The following RAPGEF4 variants were observed in gnomAD, a reference collection of about 807,000 sequenced individuals.
RAPGEF4 encodes the protein Rap guanine nucleotide exchange factor 4.
RAPGEF4 carries 66 observed loss-of-function variants against 147.9 expected under a neutral mutation model. That is an observed-to-expected ratio of 0.45 (90% confidence interval 0.37 to 0.55). RAPGEF4 has a LOEUF of 0.55. Ranked by LOEUF, RAPGEF4 falls within the 20% of genes least tolerant of loss-of-function variation. RAPGEF4 has a pLI of 0.00. For synonymous variants in RAPGEF4, 419 were observed against 442.7 expected, an observed-to-expected ratio of 0.95 and a Z score of 0.67; for missense variants, 1,071 against 1,257.3, an observed-to-expected ratio of 0.85 and a Z score of 2.24.
In RAPGEF4 at chr2:172,937,998, C is replaced by A. The variant is rs531687681; in HGVS notation, c.537+15698C>A. Among the ~76,000 whole-genome samples the A allele has an allele frequency of 2.6e-5, 4 of 152,200 alleles. No homozygotes were observed. In the South Asian group the frequency reaches 6.2e-4, roughly 24 times the overall value. On this transcript the variant is annotated intron_variant, in intron 6 of 30. Transcript: ENST00000397081. ...TTTTGTTTTATGGAGCACTGCCTTA[C>A]CTGTGGCACAACTAGTTGCATATAT...
intron 4 of RAPGEF4, among the ~76,000 whole-genome samples, chr2:172,850,035 T>C (rs1158681680): frequency 6.6e-6 from 1 of 152,160 alleles, no homozygotes; most frequent in Non-Finnish European, 1.5e-5. Context: ...CTCTTCGTGC[T>C]CTCAGTTTTG....
chr2:172,996,407 G>GT, intron 15 of RAPGEF4, 59 bp from the exon 16 acceptor site: 2 of 967,486 alleles, frequency 2.1e-6, no homozygotes, highest in Non-Finnish European at 3.0e-6. Context: ...ATAAGTAAAA[G>GT]TTTTTTTAAT....
At chr2:172,741,677 TTG>T (rs1292128288) in intron 1 of RAPGEF4, among the ~76,000 whole-genome samples, 4 of 152,144 alleles carry the variant, frequency 2.6e-5, no homozygotes, top group Non-Finnish European at 5.9e-5. Context: ...TTCTTTTTGT[TTG>T]TGTGTGTGTT....
intron 6 of RAPGEF4, chr2:172,928,041 G>T: frequency 3.7e-6 from 1 of 272,628 alleles, no homozygotes; most frequent in Non-Finnish European, 7.5e-6. Flanking sequence ...AGTGCTGCTG[G>T]CCCAATCCTG....
intron 4 of RAPGEF4, among the ~76,000 whole-genome samples, chr2:172,851,967 A>G (rs1692890593): frequency 6.6e-6 from 1 of 152,238 alleles, no homozygotes; most frequent in African/African-American, 2.4e-5. Context: ...AAAAGTTTTT[A>G]AAAATTGAAT....
At chr2:172,840,999 C>T (rs1055072607) in intron 4 of RAPGEF4, among the ~76,000 whole-genome samples, 3 of 152,218 alleles carry the variant, frequency 2.0e-5, no homozygotes, top group Non-Finnish European at 2.9e-5. Context: ...TAAGGGAAAG[C>T]CTTGAATTAA....
intron 4 of RAPGEF4, among the ~76,000 whole-genome samples, chr2:172,860,472 T>A (rs1693902829): frequency 6.6e-6 from 1 of 152,194 alleles, no homozygotes; most frequent in African/African-American, 2.4e-5. Context: ...AGAGAACAGT[T>A]TAACCCAGTG....
chr2:172,937,290 C>T (rs574772551), intron 6 of RAPGEF4, among the ~76,000 whole-genome samples: 3 of 151,998 alleles, frequency 2.0e-5, no homozygotes, highest in African/African-American at 7.2e-5. Context: ...TTTTTCTATT[C>T]GAAAATTCTA....
At chr2:173,006,033 G>A (rs1364198956) in intron 17 of RAPGEF4, among the ~76,000 whole-genome samples, 5 of 152,170 alleles carry the variant, frequency 3.3e-5, no homozygotes, top group South Asian at 2.1e-4. Context: ...GTTCTGCAAC[G>A]CCAGACTCTA....
chr2:173,026,481 A>C, intron 23 of RAPGEF4, 91 bp from the exon 24 acceptor site: 1 of 1,374,732 alleles, frequency 7.3e-7, no homozygotes, highest in Non-Finnish European at 9.8e-7. Flanking sequence ...CATCTCCAGA[A>C]TCCTTTCCCC....
chr2:172,774,468 C>G (rs1182416318), intron 1 of RAPGEF4, among the ~76,000 whole-genome samples: 1 of 152,192 alleles, frequency 6.6e-6, no homozygotes, highest in Non-Finnish European at 1.5e-5. Context: ...TTCCTACCCC[C>G]ATGCCTTTAC....
At chr2:172,944,631 T>C (rs1198639630) in intron 6 of RAPGEF4, among the ~76,000 whole-genome samples, 1 of 152,276 alleles carries the variant, frequency 6.6e-6, no homozygotes, top group Non-Finnish European at 1.5e-5. Context: ...AGGCTGATCT[T>C]AGAGTGATTA....
intron 27 of RAPGEF4, among the ~76,000 whole-genome samples, chr2:173,035,290 C>G (rs1245786051): frequency 6.6e-6 from 1 of 151,836 alleles, no homozygotes; most frequent in Non-Finnish European, 1.5e-5. Context: ...GGGCAGATCA[C>G]GAGGTCAGGA....
chr2:173,004,319 A>C (rs1694236473), intron 17 of RAPGEF4, among the ~76,000 whole-genome samples: 2 of 152,180 alleles, frequency 1.3e-5, no homozygotes, highest in Non-Finnish European at 2.9e-5. Context: ...AATGAGTTTG[A>C]AAATCATATT....
chr2:173,000,830 GTCC>G (rs1575483878), intron 16 of RAPGEF4, among the ~76,000 whole-genome samples: 1 of 127,204 alleles, frequency 7.9e-6, no homozygotes, highest in Non-Finnish European at 1.6e-5. Context: ...TAATTCTATT[GTCC>G]TCCTACCTTT....
At chr2:172,839,353 C>A (rs763445496) in intron 4 of RAPGEF4, among the ~76,000 whole-genome samples, 12 of 152,102 alleles carry the variant, frequency 7.9e-5, no homozygotes, top group Non-Finnish European at 1.2e-4. Flanking sequence ...GCCCTGAGGG[C>A]TGCTGTTTGC....
At chr2:172,933,070 GA>G (rs1482118524) in intron 6 of RAPGEF4, among the ~76,000 whole-genome samples, 2 of 152,140 alleles carry the variant, frequency 1.3e-5, no homozygotes, top group African/African-American at 4.8e-5. Context: ...GCACCTTTAG[GA>G]AATAGCAGTT....
intron 4 of RAPGEF4, among the ~76,000 whole-genome samples, chr2:172,833,365 T>A (rs149625833): frequency 8.8e-4 from 134 of 151,960 alleles, no homozygotes; most frequent in African/African-American, 3.2e-3. Context: ...ATTTTATGGA[T>A]GTTATACAAA....
intron 1 of RAPGEF4, among the ~76,000 whole-genome samples, chr2:172,762,218 A>G (rs879239329): frequency 6.6e-6 from 1 of 152,340 alleles, no homozygotes; most frequent in Middle Eastern, 3.4e-3. Context: ...CCCACTTGGT[A>G]TACAAGAACG....
Sources: gnomAD v4.1 joint callset for allele counts (sites outside exome capture counted in the v4.1 genomes callset) on GRCh38, gnomAD v4.1.1 for gene constraint, MANE v1.5 for transcripts, NCBI Gene and HGNC (gene_info 2026-07-23, HGNC 2026-07-21) for gene names.